MAPKAP1: variants seen among roughly 807,000 people sequenced by gnomAD.
MAPKAP1 encodes MAPK associated protein 1.
In MAPKAP1, 20 loss-of-function variants were observed where a neutral mutation model predicts 65.7. The ratio of observed to expected loss-of-function variants is 0.30; its 90% CI spans 0.21 to 0.44. MAPKAP1 has a LOEUF of 0.44. MAPKAP1 is among the 20% of genes least tolerant of loss of function. The probability of loss-of-function intolerance (pLI) is 1.00; values close to 1 mark genes in which losing one functional copy is unlikely to be tolerated. For synonymous variants in MAPKAP1, 222 were observed against 244.3 expected, an observed-to-expected ratio of 0.91 and a Z score of 0.85; for missense variants, 423 against 648.0, an observed-to-expected ratio of 0.65 and a Z score of 3.77.
intron 10 of MAPKAP1, among the ~76,000 whole-genome samples, chr9:125,459,832 A>G (rs1853401509): frequency 2.7e-5 from 1 of 36,524 alleles, no homozygotes; most frequent in Admixed American, 2.4e-4. Flanking sequence ...AGACCGTGGA[A>G]AGAGAGGGAG....
At chr9:125,684,582 T>C (rs1834918751) in intron 1 of MAPKAP1, among the ~76,000 whole-genome samples, 1 of 152,148 alleles carries the variant, frequency 6.6e-6, no homozygotes, top group Non-Finnish European at 1.5e-5. Context: ...TTCTAAGGGC[T>C]AAAAAAGTTC....
chr9:125,564,753 C>T (rs1342918223), intron 5 of MAPKAP1, among the ~76,000 whole-genome samples: 1 of 152,134 alleles, frequency 6.6e-6, no homozygotes, highest in Non-Finnish European at 1.5e-5. Context: ...TTTCTTGCAC[C>T]GCTCTTAAGC....
At chr9:125,695,935 T>A (rs928157714) in intron 1 of MAPKAP1, among the ~76,000 whole-genome samples, 20 of 152,006 alleles carry the variant, frequency 1.3e-4, no homozygotes, top group Non-Finnish European at 2.4e-4. Context: ...TACATGTTGG[T>A]CAGGCTGGTC....
chr9:125,440,953 A>G (rs1163981934), intron 11 of MAPKAP1, among the ~76,000 whole-genome samples: 1 of 152,262 alleles, frequency 6.6e-6, no homozygotes, highest in African/African-American at 2.4e-5. Context: ...TAACAAGCCA[A>G]CTATTTCCCA....
chr9:125,541,305 T>C (rs1830240507), intron 7 of MAPKAP1, among the ~76,000 whole-genome samples: 1 of 152,200 alleles, frequency 6.6e-6, no homozygotes, highest in Admixed American at 6.5e-5. Context: ...GAAGGAAAGA[T>C]ACTTGCTCAG....
Position 125,585,348 on chromosome 9 carries a change from A to G in MAPKAP1, c.671+207T>C, listed in dbSNP as rs557565827. Among the ~76,000 whole-genome samples the G allele has an allele frequency of 2.0e-5, 3 of 152,330 alleles. No homozygotes were observed. The East Asian group carries it at 5.8e-4, about 29-fold the overall frequency. On this transcript the variant is annotated intron_variant, in intron 5 of 11. Transcript: ENST00000265960. Reference sequence around the variant, plus strand: ...GAAATTACTAAAAATCCATGTTCTCATGTCTGTAATTCACAAACTTCTAAG... The same window carrying G: ...GAAATTACTAAAAATCCATGTTCTCGTGTCTGTAATTCACAAACTTCTAAG...
chr9:125,499,994 C>A (rs1312517121), intron 8 of MAPKAP1, among the ~76,000 whole-genome samples: 1 of 151,642 alleles, frequency 6.6e-6, no homozygotes, highest in Non-Finnish European at 1.5e-5. Flanking sequence ...CAAAAACAAA[C>A]AAAAAAATTA....
Position 125,438,982 on chromosome 9 carries a change from T to C in MAPKAP1, c.1474A>G (p.Thr492Ala), listed in dbSNP as rs1852383383. 1 of 1,614,022 alleles carries C rather than the reference T, an allele frequency of 6.2e-7. No homozygotes were observed. The highest frequency in any genetic ancestry group is 8.5e-7 in the Non-Finnish European group (1 of 1,179,998). Residue 492 changes from threonine (T) to alanine (A), a missense_variant, in exon 12 of 12, where the codon ACT becomes GCT. Thr to Ala is a moderately conservative substitution (Grantham distance 58). Coordinates refer to ENST00000265960, the MANE Select transcript of MAPKAP1 (RefSeq NM_001006617.3). ...VNYILESRAS[T>A]ARADYFAQKQ... ...TGAGCAAAGTAGTCAGCCCGGGCAG[T>C]GCTAGCTCGCGATTCCAGGATGTAG...
At chr9:125,678,522 G>A (rs916479522) in intron 1 of MAPKAP1, among the ~76,000 whole-genome samples, 3 of 152,296 alleles carry the variant, frequency 2.0e-5, no homozygotes, top group Non-Finnish European at 4.4e-5. Flanking sequence ...GATTACAGGC[G>A]TGAGCCACCG....
At chr9:125,685,719 CACTG>C (rs774996220) in intron 1 of MAPKAP1, among the ~76,000 whole-genome samples, 5 of 152,330 alleles carry the variant, frequency 3.3e-5, no homozygotes, top group African/African-American at 4.8e-5. Flanking sequence ...ACTCTCAAGA[CACTG>C]ACTATCTTAC....
At chr9:125,698,288 A>AATATAT (rs57303829) in intron 1 of MAPKAP1, among the ~76,000 whole-genome samples, 229 of 48,780 alleles carry the variant, frequency 4.7e-3, no homozygotes, top group East Asian at 6.4e-3. Flanking sequence ...AATATATATA[A>AATATAT]ATATATATAT....
chr9:125,616,142 C>G (rs1055199643), intron 4 of MAPKAP1, among the ~76,000 whole-genome samples: 1 of 151,876 alleles, frequency 6.6e-6, no homozygotes, highest in Non-Finnish European at 1.5e-5. Context: ...AGGTGGGACT[C>G]AATAAATAAT....
intron 4 of MAPKAP1, among the ~76,000 whole-genome samples, chr9:125,635,973 T>C (rs1833411726): frequency 6.6e-6 from 1 of 152,230 alleles, no homozygotes; most frequent in African/African-American, 2.4e-5. Flanking sequence ...ATGGCTCAAC[T>C]AGAGCAGCTC....
intron 5 of MAPKAP1, among the ~76,000 whole-genome samples, chr9:125,563,863 C>A (rs771436391): frequency 6.6e-6 from 1 of 152,178 alleles, no homozygotes; most frequent in Non-Finnish European, 1.5e-5. Flanking sequence ...TAGGTGCCTG[C>A]CACCACACCT....
At chr9:125,490,337 C>G (rs933859656) in intron 8 of MAPKAP1, among the ~76,000 whole-genome samples, 11 of 151,776 alleles carry the variant, frequency 7.2e-5, no homozygotes, top group African/African-American at 2.7e-4. Context: ...GTCAAGAGTT[C>G]GAGACCAGCC....
Position 125,474,989 on chromosome 9 carries a change from T to G in MAPKAP1, c.1208-6880A>C, listed in dbSNP as rs535283361. 2.0e-5 allele frequency among the ~76,000 whole-genome samples: 3 copies of G among 152,300 alleles called. No individual in the cohort carries two copies. The East Asian group carries it at 5.8e-4, about 29-fold the overall frequency. On this transcript the variant is annotated intron_variant, in intron 9 of 11. Coordinates refer to ENST00000265960, the MANE Select transcript of MAPKAP1 (RefSeq NM_001006617.3). ...GATTTTGCTGAATATATACAGCCAA[T>G]CGATAGCATCCACAGAGCAGTCAGG...
chr9:125,670,031 A>C, intron 2 of MAPKAP1, 124 bp from the exon 3 acceptor site: 1 of 535,082 alleles, frequency 1.9e-6, no homozygotes, highest in South Asian at 2.7e-5. Flanking sequence ...AAAGTCATAA[A>C]ATTTTAAAGG....
At chr9:125,441,859 G>A (rs932069224) in intron 11 of MAPKAP1, among the ~76,000 whole-genome samples, 17 of 152,098 alleles carry the variant, frequency 1.1e-4, no homozygotes, top group African/African-American at 3.1e-4. Flanking sequence ...CGGGCCTGGC[G>A]GCTCATGTCT....
chr9:125,506,827 C>T (rs981188529), intron 7 of MAPKAP1, among the ~76,000 whole-genome samples: 1 of 152,134 alleles, frequency 6.6e-6, no homozygotes, highest in East Asian at 1.9e-4. Context: ...AATGTACCTG[C>T]CTCACAGGAG....
Sources: allele counts gnomAD v4.1 joint callset (sites outside exome capture counted in the v4.1 genomes callset), GRCh38; gene constraint gnomAD v4.1.1; transcripts MANE v1.5; gene names NCBI Gene and HGNC (gene_info 2026-07-23, HGNC 2026-07-21).